The following DIS3L2 variants were observed in gnomAD, a reference collection of about 807,000 sequenced individuals.
DIS3L2 encodes DIS3 like 3'-5' exoribonuclease 2, also known as DIS3-like exonuclease 2.
DIS3L2 carries 34 observed loss-of-function variants against 97.5 expected under a neutral mutation model. The ratio of observed to expected loss-of-function variants is 0.35; its 90% CI spans 0.27 to 0.46. The LOEUF is 0.46. Ranked by LOEUF, DIS3L2 falls within the 20% of genes least tolerant of loss-of-function variation. The pLI is 1.00. For missense variants in DIS3L2, 1,038 were observed against 1,146.0 expected (o/e 0.91, Z 1.36); for synonymous variants, 435 against 445.2 (o/e 0.98, Z 0.29).
Position 232,336,634 on chromosome 2 carries a change from C to A in DIS3L2, c.*4C>A, listed in dbSNP as rs1347700636. On this transcript the variant is annotated 3_prime_UTR_variant, in exon 21 of 21. Coordinates refer to ENST00000325385, the MANE Select transcript of DIS3L2 (RefSeq NM_152383.5). Reference sequence around the variant, plus strand: ...CGAGGACTCAAGCACCAGCTGAGCTCCACCAGCCGCCTGCCCCGCCTGCCC... The same window carrying A: ...CGAGGACTCAAGCACCAGCTGAGCTACACCAGCCGCCTGCCCCGCCTGCCC... 48 of 1,568,334 alleles carry A rather than the reference C, an allele frequency of 3.1e-5. No individual in the cohort carries two copies. The highest frequency in any genetic ancestry group is 4.0e-5 in the Non-Finnish European group (46 of 1,161,306).
chr2:231,966,251 C>T (rs929697605), intron 1 of DIS3L2, among the ~76,000 whole-genome samples: 2 of 151,662 alleles, frequency 1.3e-5, no homozygotes, highest in African/African-American at 4.9e-5. Context: ...TTACTGCAAC[C>T]TCCGCCTTGT....
At chr2:232,340,133 AAG>A (rs1559224015), downstream of DIS3L2, among the ~76,000 whole-genome samples, 2 of 152,304 alleles carry the variant, frequency 1.3e-5, no homozygotes, top group East Asian at 3.9e-4. Flanking sequence ...CAAGTCCACA[AAG>A]AGGCAAGAAA....
chr2:232,103,640 T>G (rs985034243), intron 6 of DIS3L2, among the ~76,000 whole-genome samples: 1 of 152,214 alleles, frequency 6.6e-6, no homozygotes. Flanking sequence ...AAAGTGACAT[T>G]AGTCTGCAGT....
At chr2:232,005,838 C>A (rs1372074068) in intron 1 of DIS3L2, among the ~76,000 whole-genome samples, 6 of 152,268 alleles carry the variant, frequency 3.9e-5, no homozygotes, top group Non-Finnish European at 7.3e-5. Context: ...AGAGATGCGC[C>A]TGGAAGGATG....
chr2:232,332,366 G>A (rs1695763431), intron 16 of DIS3L2, among the ~76,000 whole-genome samples: 1 of 152,192 alleles, frequency 6.6e-6, no homozygotes, highest in Non-Finnish European at 1.5e-5. Flanking sequence ...CAGGGCCCGT[G>A]TGCACAGAGT....
intron 1 of DIS3L2, among the ~76,000 whole-genome samples, chr2:231,971,671 C>T (rs1692916736): frequency 6.6e-6 from 1 of 151,992 alleles, no homozygotes; most frequent in African/African-American, 2.4e-5. Context: ...TGGTCTCGAT[C>T]TCCTGACCTT....
chr2:232,336,843 C>T lies in DIS3L2; in HGVS notation c.*213C>T. ...AGGCTGAGGCCTGGTCAGCAGTGACCCCAGCAGAGCAGGCCCCAGTCCTCC... is the reference window on the plus strand; with the variant it reads ...AGGCTGAGGCCTGGTCAGCAGTGACTCCAGCAGAGCAGGCCCCAGTCCTCC... On this transcript the variant is annotated 3_prime_UTR_variant, in exon 21 of 21. Transcript: ENST00000325385. 3 of 1,391,694 alleles carry T rather than the reference C, an allele frequency of 2.2e-6. No individual in the cohort carries two copies. The highest frequency in any genetic ancestry group is 1.5e-5 in the South Asian group (1 of 64,692). The allele number at this position is 1,391,694 out of a possible 1,614,324, so 86.2% of individuals were successfully genotyped here.
chr2:232,124,061 G>A (rs576246974), intron 6 of DIS3L2, among the ~76,000 whole-genome samples: 142 of 152,270 alleles, frequency 9.3e-4, no homozygotes, highest in African/African-American at 3.3e-3. Context: ...AGGCATCCAA[G>A]GAAATCATAC....
At chr2:232,061,515 C>T (rs1357012057) in intron 5 of DIS3L2, among the ~76,000 whole-genome samples, 1 of 152,200 alleles carries the variant, frequency 6.6e-6, no homozygotes, top group African/African-American at 2.4e-5. Context: ...CACACGTACA[C>T]GTATAGTTCT....
intron 12 of DIS3L2, among the ~76,000 whole-genome samples, chr2:232,251,499 C>T (rs545723456): frequency 3.9e-5 from 6 of 152,210 alleles, no homozygotes; most frequent in African/African-American, 7.2e-5. Flanking sequence ...GTTCAATGAC[C>T]GTTCCAGAAA....
At chr2:232,122,768 A>C (rs1697947403) in intron 6 of DIS3L2, among the ~76,000 whole-genome samples, 1 of 152,102 alleles carries the variant, frequency 6.6e-6, no homozygotes, top group Non-Finnish European at 1.5e-5. Flanking sequence ...AACAACAACA[A>C]AAACATTAAT....
At chr2:232,330,069 T>G in intron 15 of DIS3L2, 73 bp downstream of exon 15, 2 of 1,508,572 alleles carry the variant, frequency 1.3e-6, no homozygotes, top group Middle Eastern at 1.9e-4. Context: ...GGTGGGGTGG[T>G]CCAGCGGCCT....
intron 9 of DIS3L2, among the ~76,000 whole-genome samples, chr2:232,166,811 A>G (rs769486441): frequency 6.6e-6 from 1 of 152,142 alleles, no homozygotes; most frequent in Non-Finnish European, 1.5e-5. Context: ...ACTCGAGGTC[A>G]GGAGTTGGAG....
At chr2:232,284,679 G>T (rs1694379816) in intron 13 of DIS3L2, among the ~76,000 whole-genome samples, 1 of 152,144 alleles carries the variant, frequency 6.6e-6, no homozygotes, top group African/African-American at 2.4e-5. Context: ...AGAGCTAAAG[G>T]TCTGTTTTTT....
chr2:232,216,829 C>G (rs1692348934), intron 10 of DIS3L2, among the ~76,000 whole-genome samples: 2 of 148,138 alleles, frequency 1.4e-5, no homozygotes, highest in Non-Finnish European at 3.0e-5. Context: ...ACCTCCTCTC[C>G]TCTCCCCTCC....
At chr2:232,207,850 T>A (rs1240912450) in intron 9 of DIS3L2, among the ~76,000 whole-genome samples, 2 of 152,100 alleles carry the variant, frequency 1.3e-5, no homozygotes, top group African/African-American at 2.4e-5. Context: ...AAACAAACAA[T>A]AATACATATC....
intron 14 of DIS3L2, among the ~76,000 whole-genome samples, chr2:232,314,581 G>C (rs538407362): frequency 1.3e-5 from 2 of 152,250 alleles, no homozygotes; most frequent in South Asian, 4.1e-4. Flanking sequence ...AGAACACCAG[G>C]AACTCTCAAA....
chr2:232,329,785 T>TCCCCGGGGGGGCCCCCCC, intron 14 of DIS3L2, 28 bp from the exon 15 acceptor site: 72 of 967,038 alleles, frequency 7.4e-5, no homozygotes, highest in Middle Eastern at 3.5e-4. Flanking sequence ...ACCCCAGCGG[T>TCCCCGGGGGGGCCCCCCC]CCCTCCCATC....
chr2:232,158,998 A>G lies in DIS3L2; in HGVS notation c.951-4461A>G, dbSNP rs1284905821. Among the ~76,000 whole-genome samples the G allele has an allele frequency of 4.6e-5, 7 of 152,290 alleles. No homozygotes were observed. The East Asian group carries it at 1.3e-3, about 29-fold the overall frequency. On this transcript the variant is annotated intron_variant, in intron 8 of 20. Coordinates refer to ENST00000325385, the MANE Select transcript of DIS3L2 (RefSeq NM_152383.5). Reference sequence around the variant, plus strand: ...CAAAGGTTGGGATAATAGGTCCCCCATATCTTCAGTTGGAACTTCACTCTA... The same window carrying G: ...CAAAGGTTGGGATAATAGGTCCCCCGTATCTTCAGTTGGAACTTCACTCTA...
Sources: allele counts gnomAD v4.1 joint callset (sites outside exome capture counted in the v4.1 genomes callset), GRCh38; gene constraint gnomAD v4.1.1; transcripts MANE v1.5; gene names NCBI Gene and HGNC (gene_info 2026-07-23, HGNC 2026-07-21).